Variants in ABCC4 observed in about 807,000 individuals in gnomAD.
The protein encoded by ABCC4 is ATP binding cassette subfamily C member 4 (PEL blood group).
ABCC4 carries 102 observed loss-of-function variants against 168.5 expected under a neutral mutation model. The ratio of observed to expected loss-of-function variants is 0.61; its 90% CI spans 0.52 to 0.71. The LOEUF is 0.71. ABCC4 is among the 30% of genes least tolerant of loss of function. The pLI is 0.00. For missense variants in ABCC4, 1,402 were observed against 1,605.8 expected (o/e 0.87, Z 2.17); for synonymous variants, 617 against 590.7 (o/e 1.04, Z -0.65).
Position 95,287,844 on chromosome 13 carries a change from C to T in ABCC4, c.74+13397G>A, listed in dbSNP as rs1594447197. Among the ~76,000 whole-genome samples, 3 of 151,826 alleles carry T rather than the reference C, an allele frequency of 2.0e-5. No homozygotes were observed. The South Asian group carries it at 6.3e-4, about 32-fold the overall frequency. Reference sequence around the variant, plus strand: ...GATCACGAAGTTAGGAGATCAAGACCATCCTGGCTAACACAGTGAAACCCC... The same window carrying T: ...GATCACGAAGTTAGGAGATCAAGACTATCCTGGCTAACACAGTGAAACCCC... On this transcript the variant is annotated intron_variant, in intron 1 of 30. Transcript: ENST00000645237.
intron 1 of ABCC4, among the ~76,000 whole-genome samples, chr13:95,260,481 G>A (rs946338977): frequency 6.6e-6 from 1 of 152,150 alleles, no homozygotes; most frequent in Non-Finnish European, 1.5e-5. Context: ...CCATCTGTAC[G>A]GTAGAGAGAA....
chr13:95,288,234 G>A (rs2041310495), intron 1 of ABCC4, among the ~76,000 whole-genome samples: 3 of 152,102 alleles, frequency 2.0e-5, no homozygotes, highest in Admixed American at 2.0e-4. Context: ...GCTCCAGTCT[G>A]AGGCTGTCAC....
intron 26 of ABCC4, among the ~76,000 whole-genome samples, chr13:95,057,234 T>G (rs561279935): frequency 2.7e-5 from 4 of 149,690 alleles, no homozygotes. Context: ...GGTACTTTCT[T>G]AAGAATTCAG....
intron 4 of ABCC4, among the ~76,000 whole-genome samples, chr13:95,220,575 G>A (rs183176229): frequency 3.5e-3 from 535 of 152,214 alleles, no homozygotes; most frequent in Non-Finnish European, 5.0e-3. Context: ...TCTTACTAAT[G>A]ACTTATTCAC....
Position 95,178,105 on chromosome 13 carries a change from G to A in ABCC4, c.1546-14C>T. On this transcript the variant is annotated splice_polypyrimidine_tract_variant and intron_variant, in intron 11 of 30. Coordinates refer to ENST00000645237, the MANE Select transcript of ABCC4 (RefSeq NM_005845.5). ...CAGCTGTAAATCCTGTATGGACAAA[G>A]GAAAGAAGGGGGGAAAAAGAGACTT... 1.9e-6 allele frequency: 3 copies of A among 1,607,262 alleles called. No individual in the cohort carries two copies. Among genetic ancestry groups the A allele is most frequent in the African/African-American group, 1.3e-5 (1 of 74,910 alleles).
At chr13:95,194,977 G>T (rs1321222194) in intron 8 of ABCC4, 40 bp from the exon 9 acceptor site, 3 of 1,549,410 alleles carry the variant, frequency 1.9e-6, no homozygotes, top group African/African-American at 1.4e-5. Context: ...TTAAATTACA[G>T]AAACAAAAGC....
At chr13:95,063,549 A>G (rs2033381257) in intron 25 of ABCC4, among the ~76,000 whole-genome samples, 3 of 152,232 alleles carry the variant, frequency 2.0e-5, no homozygotes, top group African/African-American at 7.2e-5. Flanking sequence ...ACACATAATG[A>G]GATCAACAAC....
rs138281081 is a variant in ABCC4, at chr13:95,289,383, T to A, written c.74+11858A>T. Among the ~76,000 whole-genome samples the A allele has an allele frequency of 1.1e-4, 17 of 152,304 alleles. No homozygotes were observed. In the East Asian group the frequency reaches 3.3e-3, roughly 29 times the overall value. On this transcript the variant is annotated intron_variant, in intron 1 of 30. Transcript: ENST00000645237. ...AGAGGCTGCAGCTCATGCTTTGGAA[T>A]TTGTCAGACTTGACTCAGTTCCCAA...
At position 95,020,756 on chromosome 13, in the gene ABCC4, T is replaced by A. The variant is rs2031041500; in HGVS notation, c.*819A>T. On this transcript the variant is annotated 3_prime_UTR_variant, in exon 31 of 31. Transcript: ENST00000645237. ...TCCAAAAAAGAATAATGCCACGTATTTCAGGAATGTCGGTTAGAGGTTTGG... is the reference window on the plus strand; with the variant it reads ...TCCAAAAAAGAATAATGCCACGTATATCAGGAATGTCGGTTAGAGGTTTGG... 1 of 152,256 alleles carries A rather than the reference T, an allele frequency of 6.6e-6. No homozygotes were observed. Among genetic ancestry groups the A allele is most frequent in the Non-Finnish European group, 1.5e-5 (1 of 68,030 alleles). The allele number at this position is 152,256 out of a possible 1,614,324, so 9.4% of individuals were successfully genotyped here.
At chr13:95,142,267 A>T (rs1183463372) in intron 19 of ABCC4, among the ~76,000 whole-genome samples, 2 of 152,224 alleles carry the variant, frequency 1.3e-5, no homozygotes, top group Admixed American at 1.3e-4. Flanking sequence ...GAATGAATTA[A>T]TGGCATTTGC....
chr13:95,291,656 A>C (rs1308575396), intron 1 of ABCC4, among the ~76,000 whole-genome samples: 1 of 152,222 alleles, frequency 6.6e-6, no homozygotes, highest in Non-Finnish European at 1.5e-5. Context: ...CATGGGGACA[A>C]GCCCTGCGGA....
At chr13:95,258,322 AC>A (rs1215884390) in intron 1 of ABCC4, among the ~76,000 whole-genome samples, 7 of 151,980 alleles carry the variant, frequency 4.6e-5, no homozygotes, top group Non-Finnish European at 8.8e-5. Context: ...TGTTCCAGCC[AC>A]CCTGGCCTGA....
At chr13:95,251,944 T>A (rs1022714111) in intron 1 of ABCC4, among the ~76,000 whole-genome samples, 1 of 152,228 alleles carries the variant, frequency 6.6e-6, no homozygotes, top group African/African-American at 2.4e-5. Context: ...AGTAGCATGA[T>A]GAAATCTCCC....
intron 19 of ABCC4, among the ~76,000 whole-genome samples, chr13:95,116,900 G>A (rs1566433923): frequency 1.3e-5 from 2 of 152,178 alleles, no homozygotes; most frequent in Admixed American, 6.5e-5. Context: ...CGGAAGCCCT[G>A]CTTACAGATG....
chr13:95,032,620 T>C (rs1009179163), intron 30 of ABCC4, among the ~76,000 whole-genome samples: 2 of 152,184 alleles, frequency 1.3e-5, no homozygotes, highest in Non-Finnish European at 2.9e-5. Flanking sequence ...GATAAATCTT[T>C]AATACAGAAA....
chr13:95,096,037 T>A, intron 20 of ABCC4: 1 of 415,182 alleles, frequency 2.4e-6, no homozygotes, highest in South Asian at 8.5e-5. Context: ...TAAACAAAAA[T>A]TGAATATCAA....
intron 21 of ABCC4, among the ~76,000 whole-genome samples, chr13:95,079,849 C>A (rs904970175): frequency 6.6e-5 from 10 of 151,878 alleles, no homozygotes; most frequent in African/African-American, 2.2e-4. Context: ...AAAACAAAAA[C>A]AAGAAAACAA....
Position 95,021,314 on chromosome 13 carries a change from CA to C in ABCC4, c.*260del. 2.7e-6 allele frequency: 1 copy of C among 370,264 alleles called. No individual in the cohort carries two copies. The highest frequency in any genetic ancestry group is 4.8e-6 in the Non-Finnish European group (1 of 206,758). 22.9% of individuals were successfully genotyped at this position (370,264 alleles called of 1,614,324 possible). On this transcript the variant is annotated 3_prime_UTR_variant, in exon 31 of 31. Coordinates refer to ENST00000645237, the MANE Select transcript of ABCC4 (RefSeq NM_005845.5). Reference sequence around the variant, plus strand: ...TTTGACTCTGTAGTCTCTTAAGGCACAAAACCTGATAGACGGCATTTAACTG... The same window carrying C: ...TTTGACTCTGTAGTCTCTTAAGGCACAAACCTGATAGACGGCATTTAACTG...
At chr13:95,254,255 A>G (rs2040339784) in intron 1 of ABCC4, among the ~76,000 whole-genome samples, 1 of 152,132 alleles carries the variant, frequency 6.6e-6, no homozygotes, top group African/African-American at 2.4e-5. Flanking sequence ...GACACTACAC[A>G]CAGAATTTCT....
Sources: gnomAD v4.1 joint callset for allele counts (sites outside exome capture counted in the v4.1 genomes callset) on GRCh38, gnomAD v4.1.1 for gene constraint, MANE v1.5 for transcripts, NCBI Gene and HGNC (gene_info 2026-07-23, HGNC 2026-07-21) for gene names.